ADARB2: variants seen among roughly 807,000 people sequenced by gnomAD.
ADARB2 encodes the protein inactive double-stranded RNA-specific editase B2.
A neutral mutation model predicts 62.2 loss-of-function variants in ADARB2; 25 were observed. The observed-to-expected ratio is 0.40, with a 90% confidence interval of 0.29 to 0.56. The LOEUF (loss-of-function observed/expected upper bound fraction) is 0.56, where lower values mean the gene tolerates loss of function less well. Among genes scored for constraint, ADARB2 ranks in the 20% least tolerant of loss-of-function variants. The pLI is 0.43. For synonymous variants in ADARB2, 572 were observed against 500.8 expected (o/e 1.14, Z -1.90); for missense variants, 1,071 against 1,077.4 (o/e 0.99, Z 0.08).
chr10:1,277,582 A>T lies in ADARB2; in HGVS notation c.1078-6513T>A, dbSNP rs180806774. ...GAAGTGGAATCTCTGAATAGACCAA[A>T]AACAGGCTCTGAAATTGAGGCAATA... On this transcript the variant is annotated intron_variant, in intron 3 of 9. Coordinates refer to ENST00000381312, the MANE Select transcript of ADARB2 (RefSeq NM_018702.4). Among the ~76,000 whole-genome samples, 818 of 152,290 alleles carry T rather than the reference A, an allele frequency of 5.4e-3. 4 individuals are homozygous for T. Among genetic ancestry groups the T allele is most frequent in the African/African-American group, 0.017 (722 of 41,558 alleles).
intron 1 of ADARB2, among the ~76,000 whole-genome samples, chr10:1,703,759 T>G (rs1033890957): frequency 1.3e-5 from 2 of 152,248 alleles, no homozygotes; most frequent in Non-Finnish European, 2.9e-5. Context: ...TGGGAGCGTT[T>G]CTTTGAAAGC....
chr10:1,680,111 A>G (rs541816431), intron 1 of ADARB2, among the ~76,000 whole-genome samples: 2 of 149,380 alleles, frequency 1.3e-5, no homozygotes, highest in South Asian at 4.2e-4. Flanking sequence ...GTAACCCGCC[A>G]CTCATACAAA....
At chr10:1,716,152 C>T (rs1564202972) in intron 1 of ADARB2, among the ~76,000 whole-genome samples, 1 of 152,194 alleles carries the variant, frequency 6.6e-6, no homozygotes, top group South Asian at 2.1e-4. Flanking sequence ...GCATACTCCT[C>T]GCCCGACTGC....
At chr10:1,269,922 T>C (rs1470740765) in intron 4 of ADARB2, among the ~76,000 whole-genome samples, 2 of 152,162 alleles carry the variant, frequency 1.3e-5, no homozygotes, top group Non-Finnish European at 2.9e-5. Flanking sequence ...AGGGGGCCAG[T>C]TGCTGGTGGC....
intron 1 of ADARB2, among the ~76,000 whole-genome samples, chr10:1,539,817 C>T (rs982359653): frequency 6.6e-6 from 1 of 152,204 alleles, no homozygotes; most frequent in African/African-American, 2.4e-5. Flanking sequence ...ATCTTAGAAA[C>T]AGCCCCCGTT....
intron 1 of ADARB2, among the ~76,000 whole-genome samples, chr10:1,658,558 CTCTCTA>C (rs1564360495): frequency 6.6e-6 from 1 of 152,176 alleles, no homozygotes; most frequent in Non-Finnish European, 1.5e-5. Context: ...TTCTCTCTGT[CTCTCTA>C]TCTCTCTCTC....
At chr10:1,602,984 G>A (rs1350386135) in intron 1 of ADARB2, among the ~76,000 whole-genome samples, 4 of 149,164 alleles carry the variant, frequency 2.7e-5, no homozygotes, top group Non-Finnish European at 5.9e-5. Context: ...ATCAACACGT[G>A]CACACACACC....
intron 3 of ADARB2, among the ~76,000 whole-genome samples, chr10:1,325,898 C>T (rs1831840253): frequency 6.6e-6 from 1 of 152,070 alleles, no homozygotes; most frequent in Admixed American, 6.5e-5. Context: ...TCCCAAAGCC[C>T]GGGACATAGT....
At chr10:1,498,783 A>C (rs911045646) in intron 1 of ADARB2, among the ~76,000 whole-genome samples, 1 of 152,254 alleles carries the variant, frequency 6.6e-6, no homozygotes, top group Non-Finnish European at 1.5e-5. Flanking sequence ...TTAGAAATAC[A>C]TCACTGACTC....
At position 1,443,180 on chromosome 10, in the gene ADARB2, G is replaced by T. The variant is rs368168808; in HGVS notation, c.101-64020C>A. On this transcript the variant is annotated intron_variant, in intron 1 of 9. Coordinates refer to ENST00000381312, the MANE Select transcript of ADARB2 (RefSeq NM_018702.4). ...CCTCTAAGTAGGCATAGGCCAAGGGGGAAAAACACCCAAATTCAAAGCTTA... is the reference window on the plus strand; with the variant it reads ...CCTCTAAGTAGGCATAGGCCAAGGGTGAAAAACACCCAAATTCAAAGCTTA... 3.3e-5 allele frequency among the ~76,000 whole-genome samples: 5 copies of T among 152,250 alleles called. No homozygotes were observed. The East Asian group carries it at 9.7e-4, about 29-fold the overall frequency.
intron 3 of ADARB2, among the ~76,000 whole-genome samples, chr10:1,313,347 C>T (rs941319242): frequency 1.2e-4 from 18 of 152,226 alleles, no homozygotes; most frequent in African/African-American, 3.9e-4. Context: ...CAGGGGTGTC[C>T]TGCTGCCTGC....
intron 3 of ADARB2, among the ~76,000 whole-genome samples, chr10:1,327,629 G>T (rs1245656335): frequency 8.3e-4 from 39 of 47,070 alleles, no homozygotes; most frequent in South Asian, 2.1e-3. Context: ...GCCTCCCCAC[G>T]GCACAGCGCC....
chr10:1,600,543 T>C (rs1833397907), intron 1 of ADARB2, among the ~76,000 whole-genome samples: 1 of 150,146 alleles, frequency 6.7e-6, no homozygotes, highest in East Asian at 2.0e-4. Context: ...GCCCCTGTAA[T>C]CCCAGCTACT....
intron 1 of ADARB2, among the ~76,000 whole-genome samples, chr10:1,416,752 C>T (rs1055568821): frequency 4.6e-5 from 7 of 152,258 alleles, no homozygotes; most frequent in Non-Finnish European, 1.0e-4. Context: ...GGCCCATGAA[C>T]TCACTCAGTC....
chr10:1,428,716 A>G (rs1830742639), intron 1 of ADARB2, among the ~76,000 whole-genome samples: 1 of 152,118 alleles, frequency 6.6e-6, no homozygotes, highest in South Asian at 2.1e-4. Context: ...TGAAAGGGAC[A>G]ACATGGGGAC....
chr10:1,624,334 G>A (rs981372950), intron 1 of ADARB2, among the ~76,000 whole-genome samples: 1 of 152,150 alleles, frequency 6.6e-6, no homozygotes, highest in Non-Finnish European at 1.5e-5. Context: ...CACTAAAGAC[G>A]ATTTGGGGTT....
chr10:1,551,564 T>G (rs113494187), intron 1 of ADARB2, among the ~76,000 whole-genome samples: 1,828 of 152,274 alleles, frequency 0.012, 12 homozygotes, highest in Non-Finnish European at 0.018. Context: ...ATCCCTCTAT[T>G]GTAGAACTGG....
chr10:1,495,591 G>A (rs1320388286), intron 1 of ADARB2, among the ~76,000 whole-genome samples: 1 of 130,270 alleles, frequency 7.7e-6, no homozygotes, highest in Non-Finnish European at 1.8e-5. Context: ...TCTTTAAGGT[G>A]GTAAGCTTTA....
At chr10:1,526,426 G>A (rs942617346) in intron 1 of ADARB2, among the ~76,000 whole-genome samples, 1 of 152,166 alleles carries the variant, frequency 6.6e-6, no homozygotes, top group Admixed American at 6.5e-5. Context: ...TGTTGGAGGT[G>A]GGGCCTGGTG....
Sources: allele counts gnomAD v4.1 joint callset (sites outside exome capture counted in the v4.1 genomes callset), GRCh38; gene constraint gnomAD v4.1.1; transcripts MANE v1.5; gene names NCBI Gene and HGNC (gene_info 2026-07-23, HGNC 2026-07-21).